Variants in GRIP1 observed in about 807,000 individuals in gnomAD.
GRIP1 encodes the protein glutamate receptor-interacting protein 1.
A neutral mutation model predicts 129.9 loss-of-function variants in GRIP1; 45 were observed. The observed-to-expected ratio is 0.35, with a 90% CI of 0.27 to 0.44. The LOEUF is 0.44. Among genes scored for constraint, GRIP1 ranks in the 20% least tolerant of loss-of-function variants. The probability of loss-of-function intolerance (pLI) is 1.00; values close to 1 mark genes in which losing one functional copy is unlikely to be tolerated. For synonymous variants in GRIP1, 530 were observed against 520.8 expected (o/e 1.02, Z -0.24); for missense variants, 1,196 against 1,396.8 (o/e 0.86, Z 2.29).
In GRIP1 at chr12:66,633,335, G is replaced by A. The variant is rs143225868; in HGVS notation, c.56-36408C>T. ...TATACTATACTATATATATATAGTA[G>A]AGATGGGGTTTTGCCATGTTGCCCA... On this transcript the variant is annotated intron_variant, in intron 1 of 24. Transcript: ENST00000359742. 5.2e-3 allele frequency among the ~76,000 whole-genome samples: 770 copies of A among 147,154 alleles called. 8 individuals are homozygous for A. The highest frequency in any genetic ancestry group is 0.018 in the African/African-American group (738 of 40,138).
intron 1 of GRIP1, among the ~76,000 whole-genome samples, chr12:66,642,959 T>C (rs575020487): frequency 4.6e-5 from 7 of 152,312 alleles, no homozygotes; most frequent in Admixed American, 4.6e-4. Context: ...TGACCATATG[T>C]AATAACAAAA....
chr12:66,855,074 G>T (rs1048079768), intron 1 of GRIP1, among the ~76,000 whole-genome samples: 1 of 151,800 alleles, frequency 6.6e-6, no homozygotes, highest in Non-Finnish European at 1.5e-5. Context: ...TGTGTGAGGA[G>T]TGGGGAGCTG....
At chr12:66,583,600 C>A (rs2063493770) in intron 2 of GRIP1, among the ~76,000 whole-genome samples, 2 of 138,440 alleles carry the variant, frequency 1.4e-5, no homozygotes, top group African/African-American at 5.3e-5. Context: ...GGGCGAAGGA[C>A]GTGAACAGAC....
chr12:66,591,496 T>C (rs1273818896), intron 2 of GRIP1, among the ~76,000 whole-genome samples: 2 of 149,342 alleles, frequency 1.3e-5, no homozygotes, highest in Non-Finnish European at 3.0e-5. Flanking sequence ...ATGTTGATCA[T>C]GTCCTCATTA....
chr12:66,691,242 T>G (rs2034972931), intron 1 of GRIP1, among the ~76,000 whole-genome samples: 1 of 152,214 alleles, frequency 6.6e-6, no homozygotes, highest in South Asian at 2.1e-4. Context: ...TTAAGGAATG[T>G]GCCTTCAGTC....
intron 1 of GRIP1, among the ~76,000 whole-genome samples, chr12:66,784,467 T>C (rs1041318832): frequency 2.6e-5 from 4 of 152,204 alleles, no homozygotes; most frequent in Non-Finnish European, 2.9e-5. Flanking sequence ...AATCAGGAGT[T>C]AGTTAGCTTA....
chr12:66,537,848 A>C (rs894539961), intron 4 of GRIP1, among the ~76,000 whole-genome samples: 1 of 152,124 alleles, frequency 6.6e-6, no homozygotes, highest in Non-Finnish European at 1.5e-5. Context: ...TCCTGTAATG[A>C]GATATTGATG....
intron 1 of GRIP1, among the ~76,000 whole-genome samples, chr12:67,047,664 C>T (rs1232846868): frequency 6.6e-6 from 1 of 152,152 alleles, no homozygotes; most frequent in Admixed American, 6.6e-5. Context: ...ATTGCCATTA[C>T]CCCATTACCG....
At chr12:67,000,675 G>A (rs748668676) in intron 1 of GRIP1, among the ~76,000 whole-genome samples, 19 of 152,184 alleles carry the variant, frequency 1.2e-4, no homozygotes, top group Non-Finnish European at 2.1e-4. Flanking sequence ...GCAAGTCCAC[G>A]AGGATACTTC....
At chr12:66,742,880 TA>T in intron 1 of GRIP1, among the ~76,000 whole-genome samples, 1 of 152,052 alleles carries the variant, frequency 6.6e-6, no homozygotes, top group Non-Finnish European at 1.5e-5. Context: ...CTAGCAAAAG[TA>T]GGAGGAAAAA....
intron 1 of GRIP1, among the ~76,000 whole-genome samples, chr12:66,818,127 C>T (rs1055360693): frequency 2.0e-5 from 3 of 152,180 alleles, no homozygotes; most frequent in Non-Finnish European, 4.4e-5. Flanking sequence ...ATCAGTTGTT[C>T]TTTCTTACAT....
intron 1 of GRIP1, among the ~76,000 whole-genome samples, chr12:66,607,095 T>C (rs140936604): frequency 4.8e-4 from 73 of 152,292 alleles, no homozygotes; most frequent in Non-Finnish European, 6.5e-4. Context: ...GCCACTACTG[T>C]GTATATTCTG....
chr12:66,440,569 G>A (rs2058444536), intron 13 of GRIP1, among the ~76,000 whole-genome samples: 1 of 152,110 alleles, frequency 6.6e-6, no homozygotes, highest in South Asian at 2.1e-4. Context: ...TGTGATGTTT[G>A]TCTTTCTGTG....
chr12:66,881,006 T>C (rs2040468719), intron 1 of GRIP1, among the ~76,000 whole-genome samples: 5 of 151,812 alleles, frequency 3.3e-5, no homozygotes, highest in South Asian at 2.1e-4. Context: ...TTTTTTTTTT[T>C]CCTCTCTTTC....
At chr12:67,058,906 G>A (rs1037725581) in intron 1 of GRIP1, among the ~76,000 whole-genome samples, 1 of 152,180 alleles carries the variant, frequency 6.6e-6, no homozygotes, top group Non-Finnish European at 1.5e-5. Flanking sequence ...AAAAGGAAAG[G>A]AGGAGCAAAA....
At chr12:66,803,279 C>G (rs1237758198) in intron 1 of GRIP1, among the ~76,000 whole-genome samples, 1 of 152,038 alleles carries the variant, frequency 6.6e-6, no homozygotes, top group Non-Finnish European at 1.5e-5. Flanking sequence ...GTCATCTTCC[C>G]CCATTTGGGG....
At chr12:67,023,731 T>C (rs2042900591) in intron 1 of GRIP1, among the ~76,000 whole-genome samples, 1 of 152,072 alleles carries the variant, frequency 6.6e-6, no homozygotes, top group South Asian at 2.1e-4. Flanking sequence ...TCTCACCCTT[T>C]CCTCCCTCCC....
chr12:66,636,901 T>C (rs979879676), intron 1 of GRIP1, among the ~76,000 whole-genome samples: 6 of 152,138 alleles, frequency 3.9e-5, no homozygotes, highest in African/African-American at 1.4e-4. Flanking sequence ...AGAAAATAAA[T>C]TTCTGCTGTC....
rs2058686954 is a variant in GRIP1, at chr12:66,448,271, T to C, written c.1355-2763A>G. 2.0e-5 allele frequency among the ~76,000 whole-genome samples: 3 copies of C among 152,176 alleles called. No homozygotes were observed. The South Asian group carries it at 6.2e-4, about 32-fold the overall frequency. ...CAGGACCATCATTTTTATTGCCCTC[T>C]GGGCTTAAAATCTCAAAGTAGCCTT... On this transcript the variant is annotated intron_variant, in intron 11 of 24. Coordinates refer to ENST00000359742, the MANE Select transcript of GRIP1 (RefSeq NM_001366722.1).
Sources: gnomAD v4.1 joint callset for allele counts (sites outside exome capture counted in the v4.1 genomes callset) on GRCh38, gnomAD v4.1.1 for gene constraint, MANE v1.5 for transcripts, NCBI Gene and HGNC (gene_info 2026-07-23, HGNC 2026-07-21) for gene names.